The following TRIOBP variants were observed in gnomAD, a reference collection of about 807,000 sequenced individuals.
The protein encoded by TRIOBP is TRIO and F-actin binding protein.
A neutral mutation model predicts 238.8 loss-of-function variants in TRIOBP; 169 were observed. That is an observed-to-expected ratio of 0.71 (90% CI 0.62 to 0.80). The LOEUF (loss-of-function observed/expected upper bound fraction) is 0.80. TRIOBP is among the 30% of genes least tolerant of loss of function. TRIOBP has a pLI of 0.00. For missense variants in TRIOBP, 2,838 were observed against 3,122.6 expected (o/e 0.91, Z 2.17); for synonymous variants, 1,150 against 1,274.4 (o/e 0.90, Z 2.08).
At chr22:37,765,393 G>T (rs1181693500) in intron 17 of TRIOBP, among the ~76,000 whole-genome samples, 2 of 152,156 alleles carry the variant, frequency 1.3e-5, no homozygotes, top group Admixed American at 1.3e-4. Context: ...GCAGAGAAAG[G>T]CCAGGGATGA....
At chr22:37,751,603 A>G (rs1408859154) in intron 11 of TRIOBP, 169 bp from the exon 12 acceptor site, 4 of 689,788 alleles carry the variant, frequency 5.8e-6, no homozygotes. Flanking sequence ...AGTGGCTGGG[A>G]GGCCTGCTTG....
chr22:37,735,395 C>G lies in TRIOBP; in HGVS notation c.5059C>G (p.Leu1687Val). 6.2e-7 allele frequency: 1 copy of G among 1,601,720 alleles called. No homozygotes were observed. Among genetic ancestry groups the G allele is most frequent in the Non-Finnish European group, 8.5e-7 (1 of 1,174,636 alleles). Residue 1687 changes from leucine to valine, a missense_variant, in exon 9 of 24, where the codon CTG becomes GTG. Transcript: ENST00000644935. ...GGCAGGCCTGGAGCAGACGGGCCCC[C>G]TGGGGAGCAGGAGCACTGCGAAGGG... ...TLAGLEQTGP[L>V]GSRSTAKGPS...
At chr22:37,721,233 G>C (rs762033743) in intron 6 of TRIOBP, among the ~76,000 whole-genome samples, 4 of 151,830 alleles carry the variant, frequency 2.6e-5, no homozygotes, top group Non-Finnish European at 5.9e-5. Flanking sequence ...GGCTGGTCTC[G>C]AACTCCTGAC....
chr22:37,770,122 A>G (rs1926692553), intron 21 of TRIOBP, among the ~76,000 whole-genome samples: 1 of 142,070 alleles, frequency 7.0e-6, no homozygotes, highest in African/African-American at 2.6e-5. Context: ...TCGGCTCACC[A>G]CAACCTCCGC....
rs1924593446 is a variant in TRIOBP at position 37,734,892 on chromosome 22, G to C, written c.4556G>C (p.Trp1519Ser). 6.2e-7 allele frequency: 1 copy of C among 1,613,204 alleles called. No homozygotes were observed. The highest frequency in any genetic ancestry group is 1.3e-5 in the African/African-American group (1 of 75,056). ...RSPLTSPPENWGGPAESSQSW... is the reference protein window; with the variant it reads ...RSPLTSPPENSGGPAESSQSW... ...CCACTCACGAGCCCCCCTGAGAACT[G>C]GGGAGGCCCCGCAGAGTCCTCACAA... The change falls in exon 9 of 24, where the codon TGG becomes TCG. Residue 1519 changes from tryptophan (W) to serine (S), a missense_variant. Around this residue, in one of 5 missense-constraint regions of TRIOBP, gnomAD observed 2,096 missense variants for 2,137.4 expected, o/e 0.98. Coordinates refer to ENST00000644935, the MANE Select transcript of TRIOBP (RefSeq NM_001039141.3).
chr22:37,724,201 C>T lies in TRIOBP; in HGVS notation c.1645C>T (p.Pro549Ser), dbSNP rs765429293. Reference sequence around the variant, plus strand: ...TCCCAATAGAGCTGCACGAGACAACCCCACAACATCCTGTGCCCAGCGGGA... The same window carrying T: ...TCCCAATAGAGCTGCACGAGACAACTCCACAACATCCTGTGCCCAGCGGGA... ...SSPNRAARDN[P>S]TTSCAQRDNP... Residue 549 changes from proline (P) to serine (S), a missense_variant, in exon 7 of 24, where the codon CCC (proline) becomes TCC (serine). By Grantham distance (74) the Pro-to-Ser change is moderately conservative (BLOSUM62 -1). Transcript: ENST00000644935. The T allele has an allele frequency of 6.3e-7, 1 of 1,597,680 alleles. No individual in the cohort carries two copies. Among genetic ancestry groups the T allele is most frequent in the East Asian group, 2.3e-5 (1 of 44,272 alleles).
rs761498404 is a variant in TRIOBP, at chr22:37,758,097, C to T, written c.6172C>T (p.Arg2058Ter). 6.2e-7 allele frequency: 1 copy of T among 1,611,108 alleles called. No individual in the cohort carries two copies. The highest frequency in any genetic ancestry group is 1.7e-5 in the Admixed American group (1 of 59,992). ...ALLNQSRGER[R>*]GPPSDGHEAL... ...GCTCAACCAAAGCCGCGGAGAGCGC[C>T]GAGGGCCCCCAAGTGACGGCCACGA... Residue 2058 changes from arginine (R) to a stop codon, truncating the protein, a stop_gained, in exon 16 of 24, where the codon CGA (arginine) becomes TGA (stop). Coordinates refer to ENST00000644935, the MANE Select transcript of TRIOBP (RefSeq NM_001039141.3). LOFTEE classifies it high-confidence loss of function.
intron 21 of TRIOBP, among the ~76,000 whole-genome samples, chr22:37,769,901 T>A (rs1926681887): frequency 6.6e-6 from 1 of 151,606 alleles, no homozygotes; most frequent in South Asian, 2.1e-4. Context: ...GCTAATTTTT[T>A]ATATTTTTGG....
At chr22:37,720,000 C>CTTT (rs869261824) in intron 6 of TRIOBP, among the ~76,000 whole-genome samples, 5 of 54,404 alleles carry the variant, frequency 9.2e-5, no homozygotes, top group African/African-American at 3.8e-4. Flanking sequence ...CCCCCCCGCC[C>CTTT]TTTTTTTTTT....
intron 3 of TRIOBP, among the ~76,000 whole-genome samples, chr22:37,707,899 G>A (rs533722951): frequency 3.5e-5 from 5 of 142,380 alleles, no homozygotes; most frequent in Non-Finnish European, 6.0e-5. Context: ...CTGAGATCGC[G>A]CCATTGCACT....
chr22:37,724,876 C>T lies in TRIOBP; in HGVS notation c.2320C>T (p.Arg774Ter), dbSNP rs529745904. The change falls in exon 7 of 24, where the codon CGA (arginine) becomes TGA (stop). Residue 774 changes from arginine to a stop codon, truncating the protein, a stop_gained. Transcript: ENST00000644935. LOFTEE classifies it high-confidence loss of function. Reference protein sequence around the residue: ...QQENLRTSCTRQDNPRTSSPN... With the variant: ...QQENLRTSCT ...AGAGAACCTCAGAACATCCTGTACC[C>T]GACAGGACAATCCCAGGACCTCCTC... 3.7e-6 allele frequency: 6 copies of T among 1,612,942 alleles called. No individual in the cohort carries two copies. The South Asian group carries it at 5.5e-5, about 15-fold the overall frequency.
Position 37,735,332 on chromosome 22 carries a change from A to G in TRIOBP, c.4996A>G (p.Lys1666Glu). 4 of 1,613,296 alleles carry G rather than the reference A, an allele frequency of 2.5e-6. No homozygotes were observed. The highest frequency in any genetic ancestry group is 3.4e-6 in the Non-Finnish European group (4 of 1,179,780). ...SPACTSTQWP[K>E]IKVTRGPATA... ...TGCCTGCACCTCCACCCAGTGGCCA[A>G]AGATCAAAGTGACAAGAGGACCAGC... is the stretch of plus-strand genomic sequence containing the variant. The change falls in exon 9 of 24, where the codon AAG (lysine) becomes GAG (glutamate). Residue 1666 changes from lysine (K) to glutamate (E), a missense_variant. Lys to Glu is a moderately conservative substitution (Grantham distance 56). Around this residue, in one of 5 missense-constraint regions of TRIOBP, gnomAD observed 2,096 missense variants for 2,137.4 expected, o/e 0.98. Coordinates refer to ENST00000644935, the MANE Select transcript of TRIOBP (RefSeq NM_001039141.3).
chr22:37,740,975 C>G lies in TRIOBP; in HGVS notation c.5265C>G (p.Asp1755Glu). 1.3e-6 allele frequency: 2 copies of G among 1,560,620 alleles called. No homozygotes were observed. The highest frequency in any genetic ancestry group is 1.7e-6 in the Non-Finnish European group (2 of 1,151,828). Reference sequence around the variant, plus strand: ...TGACCTCATGGCGGATGCCCGGGGACCGGCCCACGCTGTTCAATCCGTTCC... The same window carrying G: ...TGACCTCATGGCGGATGCCCGGGGAGCGGCCCACGCTGTTCAATCCGTTCC... The part of the protein sequence containing the change: ...RLVTSWRMPG[D>E]RPTLFNPFLL... Residue 1755 changes from aspartate to glutamate, a missense_variant, in exon 11 of 24, where the codon GAC (aspartate) becomes GAG (glutamate). By Grantham distance (45) the Asp-to-Glu change is conservative (BLOSUM62 2). Around this residue, in one of 5 missense-constraint regions of TRIOBP, gnomAD observed 2,096 missense variants for 2,137.4 expected, o/e 0.98. Coordinates refer to ENST00000644935, the MANE Select transcript of TRIOBP (RefSeq NM_001039141.3).
intron 4 of TRIOBP, among the ~76,000 whole-genome samples, chr22:37,712,190 T>G (rs1395595894): frequency 6.6e-6 from 1 of 151,980 alleles, no homozygotes; most frequent in African/African-American, 2.4e-5. Flanking sequence ...GGAATTATTA[T>G]TATTATTATT....
At chr22:37,697,422 A>C (rs940219822) in intron 1 of TRIOBP, among the ~76,000 whole-genome samples, 166 bp from the exon 2 acceptor site, 52 of 152,112 alleles carry the variant, frequency 3.4e-4, no homozygotes, top group African/African-American at 1.2e-3. Flanking sequence ...AGACCAGGAG[A>C]GAAACGCCCA....
Position 37,725,920 on chromosome 22 carries a change from G to A in TRIOBP, c.3364G>A (p.Ala1122Thr). 6.2e-7 allele frequency: 1 copy of A among 1,613,446 alleles called. No homozygotes were observed. Among genetic ancestry groups the A allele is most frequent in the Non-Finnish European group, 8.5e-7 (1 of 1,179,886 alleles). ...TATTGGGTACCGAGATGCACCCCGG[G>A]CCTCCTCCCCACCACGCCAGGCCCC... ...VCIGYRDAPR[A>T]SSPPRQAPEP... Residue 1122 changes from alanine to threonine, a missense_variant, in exon 7 of 24, where the codon GCC (alanine) becomes ACC (threonine). Ala to Thr is a moderately conservative substitution (Grantham distance 58). This residue lies in a region of TRIOBP where 2,096 missense variants were observed against 2,137.4 expected (regional missense o/e 0.98). Transcript: ENST00000644935.
At chr22:37,741,066 G>C in intron 11 of TRIOBP, 34 bp downstream of exon 11, 1 of 1,554,344 alleles carries the variant, frequency 6.4e-7, no homozygotes, top group African/African-American at 1.4e-5. Flanking sequence ...GGAGGGGTGA[G>C]GGTGGATAGA....
chr22:37,709,846 G>T (rs577707885), intron 3 of TRIOBP, among the ~76,000 whole-genome samples: 3 of 152,302 alleles, frequency 2.0e-5, no homozygotes, highest in African/African-American at 4.8e-5. Flanking sequence ...TGGATCCCCT[G>T]CCTCTCCTTT....
intron 4 of TRIOBP, among the ~76,000 whole-genome samples, chr22:37,712,473 A>C (rs1316850438): frequency 1.3e-5 from 2 of 152,040 alleles, no homozygotes; most frequent in Non-Finnish European, 2.9e-5. Flanking sequence ...CTGGGATTAC[A>C]GGTGTGTGCC....
Sources: allele counts gnomAD v4.1 joint callset (sites outside exome capture counted in the v4.1 genomes callset), GRCh38; gene constraint gnomAD v4.1.1; regional missense constraint gnomAD v4.1.1; transcripts MANE v1.5; gene names NCBI Gene and HGNC (gene_info 2026-07-23, HGNC 2026-07-21).